Variants in GRXCR2 observed in about 807,000 individuals in gnomAD.
GRXCR2 encodes the protein glutaredoxin domain-containing cysteine-rich protein 2.
In GRXCR2, 23 loss-of-function variants were observed where a neutral mutation model predicts 24.8. The observed-to-expected ratio is 0.93, with a 90% CI of 0.67 to 1.32. The LOEUF (loss-of-function observed/expected upper bound fraction) is 1.32, where lower values mean the gene tolerates loss of function less well. GRXCR2 is among the 40% of genes most tolerant of loss of function. The pLI, the probability that GRXCR2 is intolerant of heterozygous loss-of-function variation, is 0.00. For missense variants in GRXCR2, 315 were observed against 303.4 expected (o/e 1.04, Z -0.28); for synonymous variants, 130 against 116.1 (o/e 1.12, Z -0.77).
chr5:145,924,741 G>T (rs543794506), intron 2 of GRXCR2, among the ~76,000 whole-genome samples: 1 of 151,996 alleles, frequency 6.6e-6, no homozygotes, highest in Admixed American at 6.6e-5. Context: ...GTAATTAAAG[G>T]GCTATGGTTC....
At chr5:145,893,742 A>G (rs1482068290) in intron 2 of GRXCR2, among the ~76,000 whole-genome samples, 1 of 152,154 alleles carries the variant, frequency 6.6e-6, no homozygotes, top group African/African-American at 2.4e-5. Context: ...AAATTTAACA[A>G]GGATATCCAG....
At chr5:145,902,956 AC>A (rs1757043944) in intron 2 of GRXCR2, among the ~76,000 whole-genome samples, 1 of 152,192 alleles carries the variant, frequency 6.6e-6, no homozygotes, top group African/African-American at 2.4e-5. Context: ...AGACAGTCTA[AC>A]CTTATAGAGC....
At chr5:145,876,189 G>GTATATA (rs1295310846), upstream of GRXCR2, among the ~76,000 whole-genome samples, 1 of 68,446 alleles carries the variant, frequency 1.5e-5, no homozygotes, top group Non-Finnish European at 2.5e-5. Context: ...ATGTGTGTGT[G>GTATATA]TGTATATATA....
chr5:145,928,207 C>T (rs1166743957), intron 2 of GRXCR2, among the ~76,000 whole-genome samples: 2 of 151,852 alleles, frequency 1.3e-5, no homozygotes, highest in African/African-American at 2.4e-5. Context: ...AATGAGATAC[C>T]ATCTCACACC....
In GRXCR2 at chr5:145,894,954, A is replaced by T. The variant is rs560451100; in HGVS notation, c.-69-28226T>A. 9.8e-5 allele frequency among the ~76,000 whole-genome samples: 15 copies of T among 152,326 alleles called. No individual in the cohort carries two copies. In the South Asian group the frequency reaches 2.9e-3, roughly 29 times the overall value. The stretch of plus-strand genomic sequence containing the variant: ...TATTCACCATGATCAAGTCGTCTTC[A>T]TCCCTGGGATGCAAGGCTGGTTCAA... On this transcript the variant is annotated intron_variant, in intron 2 of 3. Transcript: ENST00000639411.
chr5:145,859,536 C>A lies in GRXCR2; in HGVS notation c.*197G>T. The A allele has an allele frequency of 3.3e-6, 2 of 599,850 alleles. No individual in the cohort carries two copies. The highest frequency in any genetic ancestry group is 4.1e-5 in the South Asian group (2 of 49,106). 37.2% of individuals were successfully genotyped at this position (599,850 alleles called of 1,614,324 possible). ...AAAGCAGACTATAATTCAGAAATGC[C>A]CCTGCCACTTAGACCCACAGAGAGA... On this transcript the variant is annotated 3_prime_UTR_variant, in exon 3 of 3. Transcript: ENST00000377976.
chr5:145,889,308 G>C (rs1756829404), intron 2 of GRXCR2, among the ~76,000 whole-genome samples: 1 of 152,094 alleles, frequency 6.6e-6, no homozygotes. Context: ...AGGGATAAAA[G>C]ACTACAAATA....
At chr5:145,872,383 T>C (rs557124293) in intron 1 of GRXCR2, among the ~76,000 whole-genome samples, 7 of 152,346 alleles carry the variant, frequency 4.6e-5, no homozygotes, top group Non-Finnish European at 8.8e-5. Context: ...AAGATCCAAT[T>C]ACAATGTATT....
chr5:145,889,172 A>AAAAAAAAAG (rs757883920), intron 2 of GRXCR2, among the ~76,000 whole-genome samples: 26 of 84,046 alleles, frequency 3.1e-4, no homozygotes, highest in African/African-American at 1.2e-3. Flanking sequence ...CTGTCTCAAA[A>AAAAAAAAAG]AAAGAAAGAA....
chr5:145,876,960 T>C (rs1221703368), upstream of GRXCR2, among the ~76,000 whole-genome samples: 1 of 152,200 alleles, frequency 6.6e-6, no homozygotes, highest in African/African-American at 2.4e-5. Flanking sequence ...AAAATGCTAG[T>C]ATCAGTTGAC....
At chr5:145,908,031 A>G (rs1411795386) in intron 2 of GRXCR2, among the ~76,000 whole-genome samples, 1 of 152,100 alleles carries the variant, frequency 6.6e-6, no homozygotes, top group African/African-American at 2.4e-5. Flanking sequence ...ACCTCAGAGA[A>G]AGATCAGAGG....
At chr5:145,912,297 G>A (rs1425266851) in intron 2 of GRXCR2, among the ~76,000 whole-genome samples, 1 of 152,178 alleles carries the variant, frequency 6.6e-6, no homozygotes, top group Non-Finnish European at 1.5e-5. Flanking sequence ...AGGAGCTGTG[G>A]GAGAGGGAGG....
At chr5:145,880,045 T>C (rs960021278) in intron 2 of GRXCR2, among the ~76,000 whole-genome samples, 1 of 152,110 alleles carries the variant, frequency 6.6e-6, no homozygotes, top group Non-Finnish European at 1.5e-5. Flanking sequence ...TTTAAAGCAG[T>C]GTGTAGAGGG....
chr5:145,860,462 C>G (rs370852316), intron 2 of GRXCR2, among the ~76,000 whole-genome samples: 1 of 152,178 alleles, frequency 6.6e-6, no homozygotes, highest in African/African-American at 2.4e-5. Context: ...GCTCTCATCT[C>G]AGCGATTTGA....
intron 2 of GRXCR2, among the ~76,000 whole-genome samples, chr5:145,892,253 C>G (rs530656917): frequency 6.6e-6 from 1 of 152,278 alleles, no homozygotes; most frequent in East Asian, 1.9e-4. Context: ...AACGCAGCTC[C>G]TCACCAGCAA....
chr5:145,919,481 T>C (rs567765194), intron 2 of GRXCR2, among the ~76,000 whole-genome samples: 144 of 152,290 alleles, frequency 9.5e-4, no homozygotes, highest in African/African-American at 3.4e-3. Context: ...AGCCCCTCCA[T>C]TCTTAACCCC....
chr5:145,858,383 A>G (rs1756276584), downstream of GRXCR2: 2 of 151,998 alleles, frequency 1.3e-5, no homozygotes, highest in Non-Finnish European at 2.9e-5. Flanking sequence ...CTGAAAAGTC[A>G]GAAGAGCCAA....
At chr5:145,922,688 A>G (rs554188841) in intron 2 of GRXCR2, among the ~76,000 whole-genome samples, 14 of 152,326 alleles carry the variant, frequency 9.2e-5, no homozygotes, top group African/African-American at 3.4e-4. Context: ...CAACACCCTT[A>G]AAAAGCTGTT....
At chr5:145,871,444 C>G (rs1487402302) in intron 1 of GRXCR2, among the ~76,000 whole-genome samples, 2 of 152,162 alleles carry the variant, frequency 1.3e-5, no homozygotes, top group African/African-American at 4.8e-5. Context: ...CAACTTGGCA[C>G]TCAATTTTTC....
Sources: gnomAD v4.1 joint callset for allele counts (sites outside exome capture counted in the v4.1 genomes callset) on GRCh38, gnomAD v4.1.1 for gene constraint, MANE v1.5 for transcripts, NCBI Gene and HGNC (gene_info 2026-07-23, HGNC 2026-07-21) for gene names.